Variants in FHAD1 observed in about 807,000 individuals in gnomAD.
The protein encoded by FHAD1 is forkhead associated phosphopeptide binding domain 1.
A neutral mutation model predicts 191.3 loss-of-function variants in FHAD1; 146 were observed. The ratio of observed to expected loss-of-function variants is 0.76; its 90% CI spans 0.67 to 0.88. The LOEUF is 0.88. Ranked by LOEUF, FHAD1 falls within the 40% of genes least tolerant of loss-of-function variation. The pLI, the probability that FHAD1 is intolerant of heterozygous loss-of-function variation, is 0.00. For synonymous variants in FHAD1, 616 were observed against 672.3 expected (o/e 0.92, Z 1.29); for missense variants, 1,635 against 1,785.8 (o/e 0.92, Z 1.52).
intron 2 of FHAD1, among the ~76,000 whole-genome samples, chr1:15,265,870 C>A (rs890651429): frequency 2.0e-5 from 3 of 148,192 alleles, no homozygotes; most frequent in Admixed American, 6.9e-5. Context: ...ACTCAAGAGG[C>A]TGAGGCAGGA....
chr1:15,268,561 G>A (rs1654580137), intron 2 of FHAD1, among the ~76,000 whole-genome samples: 1 of 130,444 alleles, frequency 7.7e-6, no homozygotes, highest in South Asian at 2.4e-4. Context: ...GATCCCTGAG[G>A]AATCGCCACA....
downstream of FHAD1, among the ~76,000 whole-genome samples, chr1:15,398,565 T>G (rs574018934): frequency 6.6e-6 from 1 of 152,008 alleles, no homozygotes; most frequent in Non-Finnish European, 1.5e-5. Context: ...TACTGTCCAT[T>G]CGGATACACC....
At position 15,318,405 on chromosome 1, in the gene FHAD1, AG is replaced by A. The variant is rs1186584003; in HGVS notation, c.1365+478del. ...TCCCAGCATTTTGGGAGGCTGAGGC[AG>A]ATGGATCACCTGAGGTCAGGAGTTC... On this transcript the variant is annotated intron_variant, in intron 10 of 33. Coordinates refer to ENST00000688493, the MANE Select transcript of FHAD1 (RefSeq NM_001391957.1). This position sits in a 1 kb window ranked among gnomAD's most constrained non-coding sequence, Gnocchi z 4.1. 1.3e-5 allele frequency among the ~76,000 whole-genome samples: 2 copies of A among 152,206 alleles called. No individual in the cohort carries two copies. Among genetic ancestry groups the A allele is most frequent in the African/African-American group, 4.8e-5 (2 of 41,456 alleles).
chr1:15,339,039 C>T (rs1469953180), intron 14 of FHAD1, among the ~76,000 whole-genome samples: 1 of 152,118 alleles, frequency 6.6e-6, no homozygotes, highest in African/African-American at 2.4e-5. Flanking sequence ...TTTTTTGAGA[C>T]TGAGTCTCGC....
Position 15,289,828 on chromosome 1 carries a change from T to A in FHAD1, c.568+162T>A, listed in dbSNP as rs1329263206. Among the ~76,000 whole-genome samples, 2 of 152,178 alleles carry A rather than the reference T, an allele frequency of 1.3e-5. No homozygotes were observed. The highest frequency in any genetic ancestry group is 2.9e-5 in the Non-Finnish European group (2 of 68,028). On this transcript the variant is annotated intron_variant, in intron 4 of 33. Transcript: ENST00000688493. The surrounding 1 kb of genome is among the most constrained non-coding windows in gnomAD (Gnocchi z 4.2). ...AGAAAGTAAGAAAACAGTTAAAAAATCAGCCGTAATCCTTATCCCCAGGGT... is the reference window on the plus strand; with the variant it reads ...AGAAAGTAAGAAAACAGTTAAAAAAACAGCCGTAATCCTTATCCCCAGGGT...
At position 15,337,889 on chromosome 1, in the gene FHAD1, C is replaced by T. The variant is rs967714847; in HGVS notation, c.1907-1592C>T. Among the ~76,000 whole-genome samples, 4 of 152,166 alleles carry T rather than the reference C, an allele frequency of 2.6e-5. No homozygotes were observed. In the East Asian group the frequency reaches 5.8e-4, roughly 22 times the overall value. ...GCTCAACCACTGGCCTGCTGTGTGG[C>T]GTTGGGCAGGCCTGCGTCTCAGAAC... On this transcript the variant is annotated intron_variant, in intron 14 of 33. Transcript: ENST00000688493.
intron 20 of FHAD1, 32 bp downstream of exon 20, chr1:15,353,016 G>C: frequency 6.8e-7 from 1 of 1,476,738 alleles, no homozygotes; most frequent in Non-Finnish European, 9.3e-7. Context: ...AGACGAGAGG[G>C]GCCCAGCACA....
At position 15,382,402 on chromosome 1, in the gene FHAD1, C is replaced by T. The variant is rs74057322; in HGVS notation, c.4188+209C>T. On this transcript the variant is annotated intron_variant, in intron 31 of 33. Coordinates refer to ENST00000688493, the MANE Select transcript of FHAD1 (RefSeq NM_001391957.1). The stretch of plus-strand genomic sequence containing the variant: ...ATGTGACCTTAGATAGGTTTCTTAA[C>T]CTCTCTGAGACTCATGGTGCTCATC... Among the ~76,000 whole-genome samples, 203 of 152,276 alleles carry T rather than the reference C, an allele frequency of 1.3e-3. 2 individuals carry two copies. The highest frequency in any genetic ancestry group is 4.6e-3 in the African/African-American group (193 of 41,544).
Position 15,353,090 on chromosome 1 carries a change from G to C in FHAD1, c.2562+106G>C. On this transcript the variant is annotated intron_variant, in intron 20 of 33. Transcript: ENST00000688493. ...ATCCTACCTCTCCCCATCCCTGGCT[G>C]GGGGACTTCAGGCTAGTACCTTACC... 1.2e-5 allele frequency: 10 copies of C among 804,928 alleles called. 2 individuals carry two copies. The South Asian group carries it at 1.7e-4, about 13-fold the overall frequency. 49.9% of individuals were successfully genotyped at this position (804,928 alleles called of 1,614,324 possible).
intron 5 of FHAD1, among the ~76,000 whole-genome samples, chr1:15,298,935 C>T (rs12090578): frequency 0.05 from 7,588 of 150,802 alleles, 539 homozygotes; most frequent in African/African-American, 0.16. Context: ...TTTGGGAGGC[C>T]AAGCAGGAGG....
Position 15,272,457 on chromosome 1 carries a change from C to T in FHAD1, c.228C>T (p.Leu76=). The part of the protein sequence containing the change: ...ECHIQNVAVK[L]IPGDILRFGS... The stretch of plus-strand genomic sequence containing the variant: ...ACATTCAAAACGTGGCTGTGAAGCT[C>T]ATCCCTGGAGACATCCTGAGATTTG... Residue 76 remains leucine, a synonymous_variant, in exon 3 of 34, where the codon CTC becomes CTT. Coordinates refer to ENST00000688493, the MANE Select transcript of FHAD1 (RefSeq NM_001391957.1). The T allele has an allele frequency of 6.4e-7, 1 of 1,551,432 alleles. No homozygotes were observed. The highest frequency in any genetic ancestry group is 2.4e-5 in the East Asian group (1 of 40,928).
chr1:15,352,835 T>C (rs1345574288), intron 19 of FHAD1, 42 bp from the exon 20 acceptor site: 2 of 1,444,546 alleles, frequency 1.4e-6, no homozygotes, highest in Admixed American at 2.0e-5. Flanking sequence ...GTCATTTCCC[T>C]TTGAGGGCAC....
chr1:15,301,466 C>T (rs1258221832), intron 6 of FHAD1, 25 bp downstream of exon 6: 7 of 1,542,968 alleles, frequency 4.5e-6, no homozygotes, highest in Non-Finnish European at 6.1e-6. Flanking sequence ...AGAGGTACAG[C>T]ACAGCTCTCA....
At chr1:15,391,046 T>G in intron 32 of FHAD1, 164 bp from the exon 33 acceptor site, 1 of 262,944 alleles carries the variant, frequency 3.8e-6, no homozygotes, top group Non-Finnish European at 7.5e-6. Flanking sequence ...GAAAATGGAT[T>G]TTTCTCAATT....
chr1:15,389,994 G>A (rs937876828), intron 32 of FHAD1, among the ~76,000 whole-genome samples: 1 of 152,216 alleles, frequency 6.6e-6, no homozygotes, highest in African/African-American at 2.4e-5. Context: ...GGGCGGCCCT[G>A]AGGCAGACGT....
At position 15,360,611 on chromosome 1, in the gene FHAD1, C is replaced by T; in HGVS notation, c.2870C>T (p.Thr957Ile). 1.9e-6 allele frequency: 3 copies of T among 1,552,080 alleles called. No individual in the cohort carries two copies. Among genetic ancestry groups the T allele is most frequent in the Non-Finnish European group, 1.7e-6 (2 of 1,147,086 alleles). ...YKEQIKQHAQ[T>I]IVSLEEKLQK... Reference sequence around the variant, plus strand: ...GAGCAAATCAAACAGCACGCCCAGACAATTGTGAGCCTCGAAGAGAAACTC... The same window carrying T: ...GAGCAAATCAAACAGCACGCCCAGATAATTGTGAGCCTCGAAGAGAAACTC... Residue 957 changes from threonine to isoleucine, a missense_variant, in exon 22 of 34, where the codon ACA becomes ATA. By Grantham distance (89) the Thr-to-Ile change is moderately conservative. Transcript: ENST00000688493.
At chr1:15,286,355 T>C (rs527815879) in intron 3 of FHAD1, among the ~76,000 whole-genome samples, 2 of 152,022 alleles carry the variant, frequency 1.3e-5, no homozygotes, top group African/African-American at 4.8e-5. Flanking sequence ...ATACAAAATT[T>C]AGCTGGGCCT....
chr1:15,341,689 T>A lies in FHAD1; in HGVS notation c.1978-47T>A. 3 of 1,477,812 alleles carry A rather than the reference T, an allele frequency of 2.0e-6. No homozygotes were observed. The South Asian group carries it at 3.9e-5, about 19-fold the overall frequency. 91.5% of individuals were successfully genotyped at this position (1,477,812 alleles called of 1,614,324 possible). A position where few individuals can be genotyped will look rare whatever the true frequency, so the allele number is the denominator to read the frequency against. ...AAACAAATGGGGAAAGACTCTTTAG[T>A]TAGGCCTGTCCCCCATCAGCATCGG... On this transcript the variant is annotated intron_variant, in intron 15 of 33. Coordinates refer to ENST00000688493, the MANE Select transcript of FHAD1 (RefSeq NM_001391957.1).
At chr1:15,336,798 T>G (rs1030447579) in intron 14 of FHAD1, among the ~76,000 whole-genome samples, 2 of 152,066 alleles carry the variant, frequency 1.3e-5, no homozygotes, top group African/African-American at 4.8e-5. Flanking sequence ...GCCACCACCC[T>G]CTCGGGGACT....
Sources: allele counts gnomAD v4.1 joint callset (sites outside exome capture counted in the v4.1 genomes callset), GRCh38; gene constraint gnomAD v4.1.1; non-coding constraint Gnocchi (gnomAD v3.1); transcripts MANE v1.5; gene names NCBI Gene and HGNC (gene_info 2026-07-23, HGNC 2026-07-21).